Variants in CCDC137 observed in about 807,000 individuals in gnomAD.
CCDC137 encodes the protein coiled-coil domain containing 137.
CCDC137 carries 24 observed loss-of-function variants against 30.4 expected under a neutral mutation model. The ratio of observed to expected loss-of-function variants is 0.79; its 90% confidence interval spans 0.57 to 1.11. The LOEUF is 1.11. CCDC137 is among the 50% of genes least tolerant of loss of function. The probability of loss-of-function intolerance (pLI) is 0.00; values close to 1 mark genes in which losing one functional copy is unlikely to be tolerated. For synonymous variants in CCDC137, 182 were observed against 155.7 expected (o/e 1.17, Z -1.26); for missense variants, 417 against 380.4 (o/e 1.10, Z -0.80).
chr17:81,668,573 G>T (rs767381952), intron 2 of CCDC137, among the ~76,000 whole-genome samples: 1 of 152,192 alleles, frequency 6.6e-6, no homozygotes, highest in Non-Finnish European at 1.5e-5. Flanking sequence ...TCTTGTTGGG[G>T]GTTATATGGC....
chr17:81,671,864 G>T, intron 4 of CCDC137, 38 bp downstream of exon 4: 1 of 1,608,266 alleles, frequency 6.2e-7, no homozygotes, highest in South Asian at 1.1e-5. Flanking sequence ...GCAGTGGTCC[G>T]GGTGGGGCCT....
At chr17:81,668,304 A>G (rs1302820226) in intron 2 of CCDC137, among the ~76,000 whole-genome samples, 1 of 152,112 alleles carries the variant, frequency 6.6e-6, no homozygotes, top group South Asian at 2.1e-4. Context: ...TGCTGAAGCA[A>G]TGGTAGAGAG....
intron 1 of CCDC137, 53 bp from the exon 2 acceptor site, chr17:81,667,676 T>G: frequency 3.1e-6 from 5 of 1,602,248 alleles, no homozygotes; most frequent in Non-Finnish European, 4.3e-6. Context: ...CTCTTACTGA[T>G]TCTGCTTGTG....
intron 2 of CCDC137, chr17:81,670,007 C>T (rs939714036): frequency 5.2e-6 from 3 of 573,778 alleles, no homozygotes; most frequent in Admixed American, 3.1e-5. Flanking sequence ...TTCAGCTGTG[C>T]TGCAGTGGAC....
At chr17:81,668,667 C>T (rs1180357648) in intron 2 of CCDC137, among the ~76,000 whole-genome samples, 1 of 152,106 alleles carries the variant, frequency 6.6e-6, no homozygotes, top group Non-Finnish European at 1.5e-5. Context: ...CGTTCTGAAC[C>T]GTGCTGCATT....
Position 81,670,388 on chromosome 17 carries a change from C to T in CCDC137, c.432C>T (p.Ala144=), listed in dbSNP as rs1317928438. 3.7e-5 allele frequency: 59 copies of T among 1,613,754 alleles called. No homozygotes were observed. The highest frequency in any genetic ancestry group is 4.9e-5 in the Non-Finnish European group (58 of 1,180,006). ...TGCTGTTCCTCAGCAAGAACCAGGC[C>T]ATCCGGCAGCCAGAGGTGCAGGCAG... The part of the protein sequence containing the change: ...QHVLFLSKNQ[A]IRQPEVQAAP... Residue 144 remains alanine (A), a synonymous_variant, in exon 3 of 6, where the codon GCC becomes GCT. Transcript: ENST00000329214.
At position 81,672,116 on chromosome 17, in the gene CCDC137, G is replaced by A. The variant is rs745696787; in HGVS notation, c.621G>A (p.Glu207=). Residue 207 remains glutamate, a synonymous_variant, in exon 5 of 6, where the codon GAG becomes GAA. Transcript: ENST00000329214. ...KFGEVVLQPP[E]LTARPQRSVS... ...GTGAGGTTGTCCTGCAGCCCCCAGAGCTGACTGCCAGGCCCCAGAGGAGCG... is the reference window on the plus strand; with the variant it reads ...GTGAGGTTGTCCTGCAGCCCCCAGAACTGACTGCCAGGCCCCAGAGGAGCG... 6.8e-6 allele frequency: 11 copies of A among 1,614,024 alleles called. No individual in the cohort carries two copies. Among genetic ancestry groups the A allele is most frequent in the Non-Finnish European group, 9.3e-6 (11 of 1,180,018 alleles).
Position 81,670,256 on chromosome 17 carries a change from G to A in CCDC137, c.300G>A (p.Lys100=). 1 of 1,614,034 alleles carries A rather than the reference G, an allele frequency of 6.2e-7. No homozygotes were observed. Among genetic ancestry groups the A allele is most frequent in the Non-Finnish European group, 8.5e-7 (1 of 1,180,024 alleles). Residue 100 remains lysine (K), a synonymous_variant, in exon 3 of 6, where the codon AAG becomes AAA. Transcript: ENST00000329214. ...TGACCTTCAGAAAGACATTGGAGAA[G>A]GAAGCAAAGGGAGAGGAGCCCGACA... The part of the protein sequence containing the change: ...AQVTFRKTLE[K]EAKGEEPDIA...
rs748766769 is a variant in CCDC137, at chr17:81,671,773, G to A, written c.527G>A (p.Arg176Gln). The A allele has an allele frequency of 6.2e-6, 10 of 1,612,496 alleles. No individual in the cohort carries two copies. The highest frequency in any genetic ancestry group is 5.5e-5 in the South Asian group (5 of 90,944). ...CAGAAGCGGCGACTAGATAAAGTCC[G>A]ACGGAAAAAGGAGGAAAAGGCGGCA... ...AFQKRRLDKVRRKKEEKAADR... is the reference protein window; with the variant it reads ...AFQKRRLDKVQRKKEEKAADR... Residue 176 changes from arginine to glutamine, a missense_variant, in exon 4 of 6, where the codon CGA (arginine) becomes CAA (glutamine). Transcript: ENST00000329214.
At position 81,672,514 on chromosome 17, in the gene CCDC137, T is replaced by A; in HGVS notation, c.680T>A (p.Met227Lys). The A allele has an allele frequency of 6.4e-7, 1 of 1,561,322 alleles. No individual in the cohort carries two copies. Among genetic ancestry groups the A allele is most frequent in the South Asian group, 1.2e-5 (1 of 84,952 alleles). ...CCTCAGCCTGGCAGGAGATCGCAGA[T>A]GCTGCGGATGCTTCTGAGCCCCGGT... ...SKDQPGRRSQ[M>K]LRMLLSPGGV... Residue 227 changes from methionine (M) to lysine (K), a missense_variant, in exon 6 of 6, where the codon ATG (methionine) becomes AAG (lysine). Coordinates refer to ENST00000329214, the MANE Select transcript of CCDC137 (RefSeq NM_199287.3).
chr17:81,670,035 T>G, intron 2 of CCDC137, 190 bp from the exon 3 acceptor site: 1 of 590,586 alleles, frequency 1.7e-6, no homozygotes, highest in Non-Finnish European at 3.0e-6. Context: ...ACAGGTGCCA[T>G]TGGGCTGGGG....
Position 81,672,519 on chromosome 17 carries a change from C to T in CCDC137, c.685C>T (p.Arg229Trp), listed in dbSNP as rs371084134. 2.4e-5 allele frequency: 37 copies of T among 1,562,756 alleles called. No individual in the cohort carries two copies. The highest frequency in any genetic ancestry group is 1.7e-4 in the Middle Eastern group (1 of 6,028). Residue 229 changes from arginine (R) to tryptophan (W), a missense_variant, in exon 6 of 6, where the codon CGG (arginine) becomes TGG (tryptophan). Coordinates refer to ENST00000329214, the MANE Select transcript of CCDC137 (RefSeq NM_199287.3). Reference sequence around the variant, plus strand: ...GCCTGGCAGGAGATCGCAGATGCTGCGGATGCTTCTGAGCCCCGGTGGTGT... The same window carrying T: ...GCCTGGCAGGAGATCGCAGATGCTGTGGATGCTTCTGAGCCCCGGTGGTGT... Reference protein sequence around the residue: ...DQPGRRSQMLRMLLSPGGVSQ... With the variant: ...DQPGRRSQMLWMLLSPGGVSQ...
At chr17:81,672,270 C>A in intron 5 of CCDC137, 115 bp downstream of exon 5, 1 of 1,131,978 alleles carries the variant, frequency 8.8e-7, no homozygotes, top group Non-Finnish European at 1.3e-6. Flanking sequence ...ATTGGGAGGC[C>A]AAGGCAGGCG....
In CCDC137 at chr17:81,673,032, T is replaced by TGATGAG; in HGVS notation, c.*330_*335dup. 2.6e-6 allele frequency: 1 copy of TGATGAG among 390,256 alleles called. No individual in the cohort carries two copies. Among genetic ancestry groups the TGATGAG allele is most frequent in the South Asian group, 2.9e-5 (1 of 33,916 alleles). The allele number at this position is 390,256 out of a possible 1,614,324, so 24.2% of individuals were successfully genotyped here. On this transcript the variant is annotated 3_prime_UTR_variant, in exon 6 of 6. Coordinates refer to ENST00000329214, the MANE Select transcript of CCDC137 (RefSeq NM_199287.3). ...CCTGAACACCAAATACCGAGACAGC[T>TGATGAG]GATGAGGCTGGCTCAGTGTGTGACG...
At position 81,670,437 on chromosome 17, in the gene CCDC137, A is replaced by C; in HGVS notation, c.481A>C (p.Lys161Gln). 1 of 1,613,040 alleles carries C rather than the reference A, an allele frequency of 6.2e-7. No individual in the cohort carries two copies. The highest frequency in any genetic ancestry group is 1.1e-5 in the South Asian group (1 of 91,044). Residue 161 changes from lysine (K) to glutamine (Q), a missense_variant, in exon 3 of 6, where the codon AAA (lysine) becomes CAA (glutamine). Physicochemically the swap from Lys to Gln is moderately conservative, Grantham distance 53 (BLOSUM62 1). Coordinates refer to ENST00000329214, the MANE Select transcript of CCDC137 (RefSeq NM_199287.3). ...QAAPKEKSEQ[K>Q]KAKKAFQKRR... is the part of the protein sequence containing the mutation. Reference sequence around the variant, plus strand: ...AGCTCCCAAGGAGAAGTCTGAGCAGAAAAAAGCAAAAAAAGCGTGAGTGGA... The same window carrying C: ...AGCTCCCAAGGAGAAGTCTGAGCAGCAAAAAGCAAAAAAAGCGTGAGTGGA...
Position 81,670,463 on chromosome 17 carries a change from G to A in CCDC137, c.497+10G>A. 1.2e-6 allele frequency: 2 copies of A among 1,607,628 alleles called. No individual in the cohort carries two copies. Among genetic ancestry groups the A allele is most frequent in the East Asian group, 2.2e-5 (1 of 44,798 alleles). ...AAAAAGCAAAAAAAGCGTGAGTGGA[G>A]GCGGGAGGGGGAGGGGTCTGCCCTG... On this transcript the variant is annotated intron_variant, in intron 3 of 5. Coordinates refer to ENST00000329214, the MANE Select transcript of CCDC137 (RefSeq NM_199287.3).
At chr17:81,672,341 A>G (rs1410151991) in intron 5 of CCDC137, among the ~76,000 whole-genome samples, 154 bp from the exon 6 acceptor site, 3 of 123,068 alleles carry the variant, frequency 2.4e-5, no homozygotes, top group African/African-American at 1.1e-4. Flanking sequence ...CTGTGTCAAG[A>G]AAAAAAAAAA....
At position 81,673,299 on chromosome 17, in the gene CCDC137, G is replaced by C. The variant is rs533402987; in HGVS notation, c.*595G>C. On this transcript the variant is annotated 3_prime_UTR_variant, in exon 6 of 6. Transcript: ENST00000329214. The stretch of plus-strand genomic sequence containing the variant: ...GCGGTGGCTCACACCTGTAATGCCA[G>C]CACTTTGGGCAGCTGAGGCGAGTGG... 1 of 153,000 alleles carries C rather than the reference G, an allele frequency of 6.5e-6. No homozygotes were observed. Among genetic ancestry groups the C allele is most frequent in the Non-Finnish European group, 1.5e-5 (1 of 68,568 alleles). 9.5% of individuals were successfully genotyped at this position (153,000 alleles called of 1,614,324 possible).
Position 81,672,095 on chromosome 17 carries a change from G to T in CCDC137, c.600G>T (p.Glu200Asp). 6.2e-7 allele frequency: 1 copy of T among 1,614,114 alleles called. No homozygotes were observed. The highest frequency in any genetic ancestry group is 8.5e-7 in the Non-Finnish European group (1 of 1,180,008). The change falls in exon 5 of 6, where the codon GAG (glutamate) becomes GAT (aspartate). Residue 200 changes from glutamate (E) to aspartate (D), a missense_variant. By Grantham distance (45) the Glu-to-Asp change is conservative. Transcript: ENST00000329214. ...CTCCAGACACGGTGAAGTTTGGTGA[G>T]GTTGTCCTGCAGCCCCCAGAGCTGA... ...ELLRDTVKFG[E>D]VVLQPPELTA...
Sources: gnomAD v4.1 joint callset for allele counts (sites outside exome capture counted in the v4.1 genomes callset) on GRCh38, gnomAD v4.1.1 for gene constraint, MANE v1.5 for transcripts, NCBI Gene and HGNC (gene_info 2026-07-23, HGNC 2026-07-21) for gene names.